Variants in FAM78B observed in about 807,000 individuals in gnomAD.
The protein encoded by FAM78B is family with sequence similarity 78 member B, also known as protein FAM78B.
Under a neutral mutation model 20.0 loss-of-function variants are expected in FAM78B, and 10 were observed. The observed-to-expected ratio is 0.50, with a 90% CI of 0.31 to 0.85. FAM78B has a LOEUF of 0.85. Among genes scored for constraint, FAM78B ranks in the 40% least tolerant of loss-of-function variants. The pLI is 0.05. For missense variants in FAM78B, 283 were observed against 345.0 expected (o/e 0.82, Z 1.42); for synonymous variants, 135 against 132.8 (o/e 1.02, Z -0.12).
rs1366465786 is a variant in FAM78B at position 166,166,587 on chromosome 1, C to A, written c.-339G>T. The A allele has an allele frequency of 1.3e-5, 2 of 150,932 alleles. No homozygotes were observed. Among genetic ancestry groups the A allele is most frequent in the East Asian group, 1.9e-4 (1 of 5,146 alleles). 9.3% of individuals were successfully genotyped at this position (150,932 alleles called of 1,614,324 possible). A position where few individuals can be genotyped will look rare whatever the true frequency, so the allele number is the denominator to read the frequency against. ...GCGGCGCTGCGAGGAATGGTGCCCA[C>A]CCCGGGCCGGAGCCCCCCGCCCCTC... On this transcript the variant is annotated 5_prime_UTR_variant, in exon 1 of 2. Coordinates refer to ENST00000354422, the MANE Select transcript of FAM78B (RefSeq NM_001017961.5).
chr1:166,081,815 AC>A (rs1652592114), intron 1 of FAM78B, among the ~76,000 whole-genome samples: 1 of 152,176 alleles, frequency 6.6e-6, no homozygotes, highest in African/African-American at 2.4e-5. Flanking sequence ...CTGCAGTGGG[AC>A]CCCAAAAGAT....
intron 1 of FAM78B, among the ~76,000 whole-genome samples, chr1:166,125,687 T>A (rs748361620): frequency 3.9e-5 from 6 of 152,178 alleles, no homozygotes; most frequent in African/African-American, 9.7e-5. Flanking sequence ...GCACAGTATC[T>A]GCATATAACC....
chr1:166,070,032 T>G lies in FAM78B; in HGVS notation c.*209A>C. On this transcript the variant is annotated 3_prime_UTR_variant, in exon 2 of 2. Transcript: ENST00000354422. ...ACAGCAAGTCTGTCAAATCAGTGAT[T>G]TCTTTATTCCTAAGAGGAAGGGATT... The G allele has an allele frequency of 8.0e-7, 1 of 1,246,518 alleles. No individual in the cohort carries two copies. Among genetic ancestry groups the G allele is most frequent in the Non-Finnish European group, 1.0e-6 (1 of 993,254 alleles). 77.2% of individuals were successfully genotyped at this position (1,246,518 alleles called of 1,614,324 possible). A position where few individuals can be genotyped will look rare whatever the true frequency, so the allele number is the denominator to read the frequency against.
rs1483267538 is a variant in FAM78B at position 166,077,946 on chromosome 1, AT to A, written c.264-7184del. ...TAATAAATATATAATAATATATATAATTTATATATATAATTATATATATAAT... is the reference window on the plus strand; with the variant it reads ...TAATAAATATATAATAATATATATAATTATATATATAATTATATATATAAT... On this transcript the variant is annotated intron_variant, in intron 1 of 1. Coordinates refer to ENST00000354422, the MANE Select transcript of FAM78B (RefSeq NM_001017961.5). 6.5e-3 allele frequency among the ~76,000 whole-genome samples: 116 copies of A among 17,934 alleles called. 12 individuals are homozygous for A. The highest frequency in any genetic ancestry group is 0.062 in the Middle Eastern group (1 of 16). The allele number at this position is 17,934 out of a possible 152,430, so 11.8% of individuals were successfully genotyped here.
At chr1:166,165,809 A>G (rs1656348188) in intron 1 of FAM78B, among the ~76,000 whole-genome samples, 177 bp downstream of exon 1, 2 of 151,736 alleles carry the variant, frequency 1.3e-5, no homozygotes, top group South Asian at 4.2e-4. Flanking sequence ...GCCTCCCTAC[A>G]CCCGCCCTGT....
intron 1 of FAM78B, among the ~76,000 whole-genome samples, chr1:166,098,832 G>C (rs1016482362): frequency 6.6e-6 from 1 of 152,092 alleles, no homozygotes; most frequent in South Asian, 2.1e-4. Flanking sequence ...GAATAATCAA[G>C]GAAAACTTCC....
intron 1 of FAM78B, among the ~76,000 whole-genome samples, chr1:166,157,830 A>G (rs1397918789): frequency 6.6e-6 from 1 of 152,152 alleles, no homozygotes; most frequent in East Asian, 1.9e-4. Context: ...GCTAAAAGCT[A>G]CAGCCCAGAC....
intron 1 of FAM78B, among the ~76,000 whole-genome samples, chr1:166,147,534 C>T (rs952793307): frequency 4.6e-5 from 7 of 152,178 alleles, no homozygotes; most frequent in East Asian, 1.9e-4. Context: ...GGGTCTACTG[C>T]GTTCCCCGTG....
chr1:166,100,309 C>A (rs10753704), intron 1 of FAM78B, among the ~76,000 whole-genome samples: 2 of 152,018 alleles, frequency 1.3e-5, no homozygotes, highest in Non-Finnish European at 2.9e-5. Context: ...ACTGAGGTAC[C>A]GGGTTCATCT....
intron 1 of FAM78B, among the ~76,000 whole-genome samples, chr1:166,141,057 T>C (rs1242465673): frequency 6.6e-6 from 1 of 152,224 alleles, no homozygotes; most frequent in African/African-American, 2.4e-5. Context: ...TAGAGGGGCA[T>C]TAATATATCA....
At chr1:166,117,301 T>C (rs761530891) in intron 1 of FAM78B, among the ~76,000 whole-genome samples, 13 of 152,208 alleles carry the variant, frequency 8.5e-5, no homozygotes, top group South Asian at 2.1e-4. Flanking sequence ...TAGTTTGCTG[T>C]TGCTGTAAAT....
intron 1 of FAM78B, among the ~76,000 whole-genome samples, chr1:166,152,898 G>T (rs917545399): frequency 1.3e-5 from 2 of 151,990 alleles, no homozygotes; most frequent in Non-Finnish European, 2.9e-5. Context: ...GGATGGTCTC[G>T]ATTTCTTGAC....
chr1:166,094,809 T>C (rs1458671659), intron 1 of FAM78B, among the ~76,000 whole-genome samples: 1 of 152,222 alleles, frequency 6.6e-6, no homozygotes, highest in African/African-American at 2.4e-5. Context: ...TCCTTGGTCG[T>C]GACAGCAATA....
In FAM78B at chr1:166,070,594, T is replaced by C. The variant is rs1280363590; in HGVS notation, c.433A>G (p.Ser145Gly). The C allele has an allele frequency of 6.2e-7, 1 of 1,613,814 alleles. No homozygotes were observed. Among genetic ancestry groups the C allele is most frequent in the Admixed American group, 1.7e-5 (1 of 60,026 alleles). Residue 145 changes from serine to glycine, a missense_variant, in exon 2 of 2, where the codon AGT becomes GGT. Physicochemically the swap from Ser to Gly is moderately conservative, Grantham distance 56. Coordinates refer to ENST00000354422, the MANE Select transcript of FAM78B (RefSeq NM_001017961.5). ...CTCACAGGCACTGCCCATGTCACAC[T>C]GGGGTAGAAGTTGTCATTCATGCTG... ...SVSMNDNFYP[S>G]VTWAVPVSDS... is the part of the protein sequence containing the mutation.
At chr1:166,126,124 G>A (rs531925379) in intron 1 of FAM78B, among the ~76,000 whole-genome samples, 1 of 152,264 alleles carries the variant, frequency 6.6e-6, no homozygotes, top group East Asian at 1.9e-4. Context: ...GTGAGCCACT[G>A]TGCCCGGCCT....
chr1:166,060,469 G>T (rs905862799), exon 3 of FAM78B: 1 of 579,036 alleles, frequency 1.7e-6, no homozygotes, highest in South Asian at 1.5e-5. Flanking sequence ...CACATGGCTC[G>T]TGGAGGGTGG....
chr1:166,083,997 G>A (rs1158451943), intron 1 of FAM78B, among the ~76,000 whole-genome samples: 1 of 151,944 alleles, frequency 6.6e-6, no homozygotes, highest in Admixed American at 6.6e-5. Flanking sequence ...TAAGAACTGA[G>A]TATTTCCCTT....
intron 1 of FAM78B, among the ~76,000 whole-genome samples, chr1:166,119,094 G>A (rs538991136): frequency 6.6e-6 from 1 of 152,178 alleles, no homozygotes; most frequent in South Asian, 2.1e-4. Flanking sequence ...GAGAGGAGTG[G>A]AAGGCAGAGA....
intron 1 of FAM78B, among the ~76,000 whole-genome samples, chr1:166,072,671 G>A (rs1652095638): frequency 6.6e-6 from 1 of 152,158 alleles, no homozygotes; most frequent in Non-Finnish European, 1.5e-5. Context: ...TCTATTTCCT[G>A]TGTTGCCTAA....
Sources: allele counts gnomAD v4.1 joint callset (sites outside exome capture counted in the v4.1 genomes callset), GRCh38; gene constraint gnomAD v4.1.1; transcripts MANE v1.5; gene names NCBI Gene and HGNC (gene_info 2026-07-23, HGNC 2026-07-21).